Variants in TAOK2 observed in about 807,000 individuals in gnomAD.
TAOK2 encodes the protein TAO kinase 2.
In TAOK2, 42 loss-of-function variants were observed where a neutral mutation model predicts 122.5. That is an observed-to-expected ratio of 0.34 (90% CI 0.27 to 0.44). The LOEUF is 0.44. Ranked by LOEUF, TAOK2 falls within the 20% of genes least tolerant of loss-of-function variation. The pLI is 1.00. For synonymous variants in TAOK2, 704 were observed against 677.6 expected (o/e 1.04, Z -0.61); for missense variants, 1,264 against 1,644.9 (o/e 0.77, Z 4.01).
At position 29,985,963 on chromosome 16, in the gene TAOK2, G is replaced by A. The variant is rs952605604; in HGVS notation, c.1992+102G>A. On this transcript the variant is annotated intron_variant, in intron 15 of 15. Coordinates refer to ENST00000308893, the MANE Select transcript of TAOK2 (RefSeq NM_016151.4). This position sits in a 1 kb window ranked among gnomAD's most constrained non-coding sequence, Gnocchi z 6.9. The stretch of plus-strand genomic sequence containing the variant: ...CTTGTCTTCTTTCTCCTTGGCCCTC[G>A]AGTGTTACAGTTCAGCTTTGCTTCA... 34 of 1,381,202 alleles carry A rather than the reference G, an allele frequency of 2.5e-5. No individual in the cohort carries two copies. Among genetic ancestry groups the A allele is most frequent in the Non-Finnish European group, 3.2e-5 (32 of 1,008,318 alleles). 85.6% of individuals were successfully genotyped at this position (1,381,202 alleles called of 1,614,324 possible).
At chr16:29,978,402 G>A (rs371176975) in intron 4 of TAOK2, 49 bp downstream of exon 4, 72 of 1,573,550 alleles carry the variant, frequency 4.6e-5, no homozygotes, top group African/African-American at 4.0e-4. Flanking sequence ...ATTCATGCCC[G>A]TCCTTATCGT....
At chr16:29,988,993 A>G (rs950206033), downstream of TAOK2, 3 of 985,116 alleles carry the variant, frequency 3.0e-6, no homozygotes, top group African/African-American at 3.5e-5. Flanking sequence ...TCTGCGGCCC[A>G]AAATGGGGCA....
intron 8 of TAOK2, 99 bp from the exon 9 acceptor site, chr16:29,981,562 C>A: frequency 9.4e-7 from 1 of 1,058,346 alleles, no homozygotes; most frequent in East Asian, 2.4e-5. Context: ...GCAAGGAAGT[C>A]AAGGAATTGG....
In TAOK2 at chr16:29,986,327, G is replaced by A. The variant is rs201394687; in HGVS notation, c.2055G>A (p.Glu685=). The A allele has an allele frequency of 6.4e-7, 1 of 1,571,320 alleles. No individual in the cohort carries two copies. ...LECALLLRQH[E]ATRELELRQL... Reference sequence around the variant, plus strand: ...GTGCACTGCTGCTTCGGCAGCACGAGGCCACGCGGGAGCTGGAGCTGCGGC... The same window carrying A: ...GTGCACTGCTGCTTCGGCAGCACGAAGCCACGCGGGAGCTGGAGCTGCGGC... Residue 685 remains glutamate (E), a synonymous_variant, in exon 16 of 16, where the codon GAG becomes GAA. Coordinates refer to ENST00000308893, the MANE Select transcript of TAOK2 (RefSeq NM_016151.4). This position sits in a 1 kb window ranked among gnomAD's most constrained non-coding sequence, Gnocchi z 4.2.
chr16:29,986,333 G>C lies in TAOK2; in HGVS notation c.2061G>C (p.Thr687=), dbSNP rs763686309. Reference sequence around the variant, plus strand: ...TGCTGCTTCGGCAGCACGAGGCCACGCGGGAGCTGGAGCTGCGGCAGCTCC... The same window carrying C: ...TGCTGCTTCGGCAGCACGAGGCCACCCGGGAGCTGGAGCTGCGGCAGCTCC... ...CALLLRQHEA[T]RELELRQLQA... The change falls in exon 16 of 16, where the codon ACG becomes ACC. Residue 687 remains threonine, a synonymous_variant. Transcript: ENST00000308893. This position sits in a 1 kb window ranked among gnomAD's most constrained non-coding sequence, Gnocchi z 4.2. 3 of 1,576,156 alleles carry C rather than the reference G, an allele frequency of 1.9e-6. No homozygotes were observed. The highest frequency in any genetic ancestry group is 2.6e-6 in the Non-Finnish European group (3 of 1,158,690).
chr16:29,978,184 G>T, intron 3 of TAOK2, 24 bp downstream of exon 3: 1 of 1,614,098 alleles, frequency 6.2e-7, no homozygotes, highest in South Asian at 1.1e-5. Context: ...AATACAGCCA[G>T]GTTGGGGACA....
In TAOK2 at chr16:29,974,516, C is replaced by T. The variant is rs528408430; in HGVS notation, c.-168C>T. On this transcript the variant is annotated 5_prime_UTR_variant, in exon 1 of 16. Coordinates refer to ENST00000308893, the MANE Select transcript of TAOK2 (RefSeq NM_016151.4). ...CAGGGGAGGCTTCCCGGGCCCGCCC[C>T]TCAGGAAGGGCGAAAGCCGAGGAAG... is the stretch of plus-strand genomic sequence containing the variant. 12 of 152,668 alleles carry T rather than the reference C, an allele frequency of 7.9e-5. No individual in the cohort carries two copies. Among genetic ancestry groups the T allele is most frequent in the African/African-American group, 2.6e-4 (11 of 41,542 alleles). 9.5% of individuals were successfully genotyped at this position (152,668 alleles called of 1,614,324 possible).
chr16:29,990,661 C>A (rs2069944077), downstream of TAOK2: 1 of 917,724 alleles, frequency 1.1e-6, no homozygotes, highest in East Asian at 2.7e-5. Flanking sequence ...TGACCATCTT[C>A]CATTCTGATA....
chr16:29,982,266 T>A (rs2069641656), intron 10 of TAOK2, among the ~76,000 whole-genome samples: 1 of 152,232 alleles, frequency 6.6e-6, no homozygotes, highest in South Asian at 2.1e-4. Context: ...TGTGTAGCCT[T>A]ATCATGGGTA....
In TAOK2 at chr16:29,979,327, G is replaced by T; in HGVS notation, c.563+19G>T. ...CATACTGGTGAGTGAGTGAGTGGTG[G>T]TGAGTGGAGAGACCTCCCAGGGATG... On this transcript the variant is annotated intron_variant, in intron 7 of 15. Coordinates refer to ENST00000308893, the MANE Select transcript of TAOK2 (RefSeq NM_016151.4). This position sits in a 1 kb window ranked among gnomAD's most constrained non-coding sequence, Gnocchi z 4.1. The T allele has an allele frequency of 6.2e-7, 1 of 1,613,630 alleles. No homozygotes were observed. Among genetic ancestry groups the T allele is most frequent in the Non-Finnish European group, 8.5e-7 (1 of 1,179,616 alleles).
chr16:29,978,705 C>T (rs753393199), intron 4 of TAOK2, 94 bp from the exon 5 acceptor site: 46 of 1,458,044 alleles, frequency 3.2e-5, no homozygotes, highest in South Asian at 3.5e-5. Context: ...GTCATCACCC[C>T]GGGGACATAG....
At chr16:29,988,636 G>A (rs753629947), downstream of TAOK2, 791 of 985,416 alleles carry the variant, frequency 8.0e-4, 1 homozygote, top group Non-Finnish European at 8.9e-4. Context: ...CCCACAGAGC[G>A]CCTGTTTGCG....
At chr16:29,989,245 C>G, downstream of TAOK2, 2 of 985,336 alleles carry the variant, frequency 2.0e-6, no homozygotes, top group Non-Finnish European at 2.4e-6. Context: ...ATCCTCAGTT[C>G]CCTGTCCAGT....
chr16:29,987,616 A>T lies in TAOK2; in HGVS notation c.3344A>T (p.Tyr1115Phe). ...AVGDRGLFAL[Y>F]PKTNKDGFRS... is the part of the protein sequence containing the mutation. Reference sequence around the variant, plus strand: ...GGGGACCGGGGTCTGTTTGCACTGTACCCCAAAACCAACAAGGATGGCTTC... The same window carrying T: ...GGGGACCGGGGTCTGTTTGCACTGTTCCCCAAAACCAACAAGGATGGCTTC... Residue 1115 changes from tyrosine to phenylalanine, a missense_variant, in exon 16 of 16, where the codon TAC (tyrosine) becomes TTC (phenylalanine). Transcript: ENST00000308893. 6.2e-7 allele frequency: 1 copy of T among 1,612,816 alleles called. No individual in the cohort carries two copies. Among genetic ancestry groups the T allele is most frequent in the Non-Finnish European group, 8.5e-7 (1 of 1,179,278 alleles).
chr16:29,989,230 C>T, downstream of TAOK2: 1 of 985,340 alleles, frequency 1.0e-6, no homozygotes, highest in East Asian at 1.1e-4. Flanking sequence ...GTCAGAGCTT[C>T]CAAGATCCTC....
intron 1 of TAOK2, among the ~76,000 whole-genome samples, chr16:29,977,259 C>T (rs182373817): frequency 4.5e-4 from 69 of 152,274 alleles, no homozygotes; most frequent in Middle Eastern, 3.4e-3. Context: ...CCGCCTCCGG[C>T]CTGGCCATTT....
At chr16:29,976,839 G>T (rs76449885) in intron 1 of TAOK2, among the ~76,000 whole-genome samples, 1 of 152,206 alleles carries the variant, frequency 6.6e-6, no homozygotes, top group Non-Finnish European at 1.5e-5. Context: ...CTAGGAAATG[G>T]TGATCATGAT....
downstream of TAOK2, chr16:29,991,249 G>A (rs902900746): frequency 2.5e-6 from 4 of 1,611,894 alleles, no homozygotes; most frequent in Non-Finnish European, 1.7e-6. This position sits in a 1 kb window ranked among gnomAD's most constrained non-coding sequence, Gnocchi z 5.6. Flanking sequence ...TGGCCCTCCC[G>A]TCCCGTTCCC....
intron 13 of TAOK2, among the ~76,000 whole-genome samples, chr16:29,984,660 T>C (rs138787560): frequency 6.6e-6 from 1 of 152,230 alleles, no homozygotes; most frequent in Non-Finnish European, 1.5e-5. Context: ...AGATCAGACT[T>C]TGGATGAAGG....
Sources: gnomAD v4.1 joint callset for allele counts (sites outside exome capture counted in the v4.1 genomes callset) on GRCh38, gnomAD v4.1.1 for gene constraint, Gnocchi (gnomAD v3.1) non-coding constraint, MANE v1.5 for transcripts, NCBI Gene and HGNC (gene_info 2026-07-23, HGNC 2026-07-21) for gene names.